The following INTU variants were observed in gnomAD, a reference collection of about 807,000 sequenced individuals.
The protein encoded by INTU is protein inturned.
INTU carries 68 observed loss-of-function variants against 100.5 expected under a neutral mutation model. The observed-to-expected ratio is 0.68, with a 90% CI of 0.56 to 0.83. INTU has a LOEUF of 0.83. INTU is among the 40% of genes least tolerant of loss of function. The pLI is 0.00. For missense variants in INTU, 1,071 were observed against 1,114.7 expected (o/e 0.96, Z 0.56); for synonymous variants, 357 against 395.7 (o/e 0.90, Z 1.16).
At position 127,722,555 on chromosome 4, in the gene INTU, A is replaced by C. The variant is rs1169310284; in HGVS notation, c.*6119A>C. 6.6e-6 allele frequency: 1 copy of C among 152,460 alleles called. No homozygotes were observed. The highest frequency in any genetic ancestry group is 1.5e-5 in the Non-Finnish European group (1 of 68,230). 9.4% of individuals were successfully genotyped at this position (152,460 alleles called of 1,614,324 possible). A position where few individuals can be genotyped will look rare whatever the true frequency, so the allele number is the denominator to read the frequency against. On this transcript the variant is annotated 3_prime_UTR_variant, in exon 16 of 16. Transcript: ENST00000335251. ...CAGAGCCAGCAGGCAGAGAAGACTA[A>C]GATCACTGATCCATGATACTTCAGC...
chr4:127,659,647 C>T (rs980897871), intron 3 of INTU, among the ~76,000 whole-genome samples: 2 of 152,188 alleles, frequency 1.3e-5, no homozygotes, highest in Admixed American at 1.3e-4. Context: ...TGTAGTACAT[C>T]GTCTCTTCCC....
chr4:127,716,168 A>T (rs1377976794), intron 15 of INTU, among the ~76,000 whole-genome samples, 157 bp from the exon 16 acceptor site: 1 of 152,242 alleles, frequency 6.6e-6, no homozygotes, highest in African/African-American at 2.4e-5. Context: ...ATTTAGAAAT[A>T]AATCTAGCTG....
intron 8 of INTU, among the ~76,000 whole-genome samples, chr4:127,696,817 G>T (rs979416654): frequency 6.6e-6 from 1 of 151,966 alleles, no homozygotes; most frequent in Non-Finnish European, 1.5e-5. Flanking sequence ...TGCATTTAAT[G>T]CTATAAATTT....
chr4:127,637,816 G>A (rs1221953883), intron 1 of INTU, among the ~76,000 whole-genome samples: 1 of 152,166 alleles, frequency 6.6e-6, no homozygotes, highest in African/African-American at 2.4e-5. Flanking sequence ...TAGCTGAGGG[G>A]GCAGGTGGTA....
chr4:127,635,986 C>T lies in INTU; in HGVS notation c.146+2806C>T, dbSNP rs1311599790. ...TTGCCCCCATTAATAGTTCATCTCT[C>T]GGCTAGGTATGGTGGCTCATACCTG... On this transcript the variant is annotated intron_variant, in intron 1 of 15. Transcript: ENST00000335251. 6.6e-5 allele frequency among the ~76,000 whole-genome samples: 10 copies of T among 152,134 alleles called. No homozygotes were observed. The South Asian group carries it at 8.3e-4, about 13-fold the overall frequency.
At chr4:127,646,497 G>T (rs1727595002) in intron 2 of INTU, among the ~76,000 whole-genome samples, 1 of 152,044 alleles carries the variant, frequency 6.6e-6, no homozygotes, top group South Asian at 2.1e-4. Context: ...TTCTTTTTGT[G>T]ATATTAACAG....
chr4:127,670,213 T>G (rs958452425), intron 5 of INTU, among the ~76,000 whole-genome samples: 2 of 151,834 alleles, frequency 1.3e-5, no homozygotes, highest in African/African-American at 4.8e-5. Context: ...TTTCAACAAT[T>G]TTAGACTTTA....
intron 3 of INTU, 59 bp downstream of exon 3, chr4:127,656,780 T>C: frequency 2.8e-6 from 3 of 1,085,784 alleles, no homozygotes; most frequent in Non-Finnish European, 4.0e-6. Context: ...TATAAATATA[T>C]CGTGCACTAT....
intron 7 of INTU, chr4:127,686,022 GTTA>G (rs1729808081): frequency 6.6e-6 from 1 of 152,132 alleles, no homozygotes; most frequent in Non-Finnish European, 1.5e-5. Flanking sequence ...AATCCAGGAT[GTTA>G]TTAATAGACA....
At chr4:127,653,933 T>C (rs1236624363) in intron 2 of INTU, among the ~76,000 whole-genome samples, 10 of 151,888 alleles carry the variant, frequency 6.6e-5, no homozygotes, top group Non-Finnish European at 1.3e-4. Context: ...ATATTTAGGA[T>C]AGTTAGCTCT....
Position 127,708,685 on chromosome 4 carries a change from T to A in INTU, c.2369+17T>A. On this transcript the variant is annotated intron_variant, in intron 13 of 15. Coordinates refer to ENST00000335251, the MANE Select transcript of INTU (RefSeq NM_015693.4). ...CACAGTGAAGTAAGAAACTTTCTTA[T>A]TCTTGTTCACTTAAACTCAGGAAGT... 1 of 1,331,078 alleles carries A rather than the reference T, an allele frequency of 7.5e-7. No homozygotes were observed. The highest frequency in any genetic ancestry group is 1.5e-5 in the African/African-American group (1 of 68,250). 82.5% of individuals were successfully genotyped at this position (1,331,078 alleles called of 1,614,324 possible).
chr4:127,654,644 C>T (rs1437441801), intron 2 of INTU, among the ~76,000 whole-genome samples: 2 of 150,716 alleles, frequency 1.3e-5, no homozygotes, highest in Non-Finnish European at 3.0e-5. Flanking sequence ...TTCTCTCTGG[C>T]TGCCCTTAAC....
intron 6 of INTU, among the ~76,000 whole-genome samples, chr4:127,677,947 G>A (rs1397556467): frequency 6.6e-6 from 1 of 152,226 alleles, no homozygotes; most frequent in Admixed American, 6.5e-5. Flanking sequence ...AGAACTACGT[G>A]AAGAATGCAG....
At chr4:127,688,283 A>G (rs571841929) in intron 8 of INTU, among the ~76,000 whole-genome samples, 1 of 152,264 alleles carries the variant, frequency 6.6e-6, no homozygotes, top group African/African-American at 2.4e-5. Context: ...GTCTACCAAA[A>G]TCTTTTTTTA....
At chr4:127,681,024 A>C (rs1012295879) in intron 6 of INTU, among the ~76,000 whole-genome samples, 27 of 151,944 alleles carry the variant, frequency 1.8e-4, no homozygotes, top group African/African-American at 6.5e-4. Flanking sequence ...AGAATAAAAT[A>C]CCTAGGAATC....
rs1730980421 is a variant in INTU at position 127,708,604 on chromosome 4, T to C, written c.2305T>C (p.Phe769Leu). Residue 769 changes from phenylalanine (F) to leucine (L), a missense_variant, in exon 13 of 16, where the codon TTT (phenylalanine) becomes CTT (leucine). Phe to Leu is a conservative substitution (Grantham distance 22, BLOSUM62 0). Coordinates refer to ENST00000335251, the MANE Select transcript of INTU (RefSeq NM_015693.4). Reference protein sequence around the residue: ...TKKKSTLPNPFHLGNLKKDLP... With the variant: ...TKKKSTLPNPLHLGNLKKDLP... ...AAAGAAGTCTACTCTTCCAAATCCA[T>C]TTCATTTGGGAAACTTGAAAAAGGA... 1 of 1,598,894 alleles carries C rather than the reference T, an allele frequency of 6.3e-7. No homozygotes were observed. Among genetic ancestry groups the C allele is most frequent in the Admixed American group, 1.7e-5 (1 of 59,108 alleles).
chr4:127,695,006 A>T (rs753891239), intron 8 of INTU, among the ~76,000 whole-genome samples: 12 of 152,136 alleles, frequency 7.9e-5, no homozygotes, highest in Non-Finnish European at 1.5e-4. Flanking sequence ...GCTTCTCCAT[A>T]TAAACTTTAG....
chr4:127,685,593 C>T (rs2126229460), intron 7 of INTU: 1 of 377,912 alleles, frequency 2.6e-6, no homozygotes, highest in East Asian at 8.4e-5. Flanking sequence ...AGCTGGGCAT[C>T]CATAAATAGT....
intron 9 of INTU, among the ~76,000 whole-genome samples, chr4:127,702,164 A>G (rs1406378710): frequency 2.0e-5 from 3 of 152,158 alleles, no homozygotes; most frequent in Non-Finnish European, 2.9e-5. Flanking sequence ...TGGTTAAAAA[A>G]TAATCTATTT....
Sources: gnomAD v4.1 joint callset for allele counts (sites outside exome capture counted in the v4.1 genomes callset) on GRCh38, gnomAD v4.1.1 for gene constraint, MANE v1.5 for transcripts, NCBI Gene and HGNC (gene_info 2026-07-23, HGNC 2026-07-21) for gene names.